The following PI4KA variants were observed in gnomAD, a reference collection of about 807,000 sequenced individuals.
PI4KA encodes the protein phosphatidylinositol 4-kinase alpha, also known as PI4-kinase alpha.
Under a neutral mutation model 271.4 loss-of-function variants are expected in PI4KA, and 122 were observed. The observed-to-expected ratio is 0.45, with a 90% CI of 0.39 to 0.52. The LOEUF is 0.52. PI4KA is among the 20% of genes least tolerant of loss of function. PI4KA has a pLI of 0.00. For synonymous variants in PI4KA, 1,041 were observed against 1,078.8 expected, an observed-to-expected ratio of 0.96 and a Z score of 0.69; for missense variants, 1,969 against 2,769.1, an observed-to-expected ratio of 0.71 and a Z score of 6.48.
At chr22:20,790,730 ACAC>A (rs1934583547) in intron 19 of PI4KA, among the ~76,000 whole-genome samples, 2 of 151,452 alleles carry the variant, frequency 1.3e-5, no homozygotes, top group Admixed American at 1.3e-4. Flanking sequence ...ACACACACAC[ACAC>A]ACACACACAA....
At chr22:20,832,209 G>A (rs1426367196) in intron 3 of PI4KA, among the ~76,000 whole-genome samples, 8 of 146,448 alleles carry the variant, frequency 5.5e-5, no homozygotes, top group Middle Eastern at 3.8e-3. Context: ...TCTGCCTCCC[G>A]GGTTCAAGCG....
intron 43 of PI4KA, among the ~76,000 whole-genome samples, chr22:20,719,279 C>T (rs1476156961): frequency 2.0e-5 from 3 of 151,382 alleles, no homozygotes; most frequent in Admixed American, 1.3e-4. Flanking sequence ...ACACAGTGGG[C>T]GGGGCTCTAT....
At chr22:20,751,170 G>T in intron 27 of PI4KA, 123 bp downstream of exon 27, 1 of 762,830 alleles carries the variant, frequency 1.3e-6, no homozygotes, top group Non-Finnish European at 2.2e-6. Context: ...GATGGGGCCA[G>T]CACCACCCAC....
intron 19 of PI4KA, among the ~76,000 whole-genome samples, chr22:20,788,379 G>A (rs185199640): frequency 6.3e-4 from 96 of 152,308 alleles, no homozygotes; most frequent in African/African-American, 2.2e-3. Context: ...GACGGAAGGG[G>A]AACGTCACTG....
chr22:20,724,232 G>A (rs1056949060), intron 42 of PI4KA, among the ~76,000 whole-genome samples: 11 of 151,896 alleles, frequency 7.2e-5, no homozygotes, highest in Admixed American at 3.3e-4. Context: ...TTGAACCTGG[G>A]AGGCAGAGGT....
intron 4 of PI4KA, among the ~76,000 whole-genome samples, chr22:20,822,347 A>G (rs117352929): frequency 0.03 from 4,506 of 151,798 alleles, 89 homozygotes; most frequent in Middle Eastern, 0.061. Context: ...ATCCATGACA[A>G]TAAGCTTATA....
At chr22:20,824,881 C>A (rs1055721122) in intron 3 of PI4KA, among the ~76,000 whole-genome samples, 1 of 151,414 alleles carries the variant, frequency 6.6e-6, no homozygotes, top group African/African-American at 2.4e-5. Context: ...ACCAGCCTGG[C>A]CAACATGGTG....
chr22:20,712,464 G>A lies in PI4KA; in HGVS notation c.5802+22C>T, dbSNP rs755869637. 58 of 1,606,834 alleles carry A rather than the reference G, an allele frequency of 3.6e-5. No individual in the cohort carries two copies. The South Asian group carries it at 4.7e-4, about 13-fold the overall frequency. ...GGGTGGAGCACACACGACCTCCCCC[G>A]GCCTGTGGCCACCCTGGCTACCTGC... On this transcript the variant is annotated intron_variant, in intron 50 of 54. Coordinates refer to ENST00000255882, the MANE Select transcript of PI4KA (RefSeq NM_058004.4).
At chr22:20,824,261 T>A in intron 4 of PI4KA, 65 bp downstream of exon 4, 1 of 1,020,520 alleles carries the variant, frequency 9.8e-7, no homozygotes, top group Non-Finnish European at 1.6e-6. Flanking sequence ...TAAAATCTTT[T>A]CATCACTTTG....
At position 20,727,872 on chromosome 22, in the gene PI4KA, G is replaced by A. The variant is rs1927556622; in HGVS notation, c.4683-8C>T. On this transcript the variant is annotated splice_region_variant and splice_polypyrimidine_tract_variant and intron_variant, in intron 39 of 54. Transcript: ENST00000255882. ...GCTTCTGTGTTCTTAAACCTACAGTGCACAGAGGGTATGGGTGGTGCTGCC... is the reference window on the plus strand; with the variant it reads ...GCTTCTGTGTTCTTAAACCTACAGTACACAGAGGGTATGGGTGGTGCTGCC... 3 of 1,610,058 alleles carry A rather than the reference G, an allele frequency of 1.9e-6. No individual in the cohort carries two copies. The highest frequency in any genetic ancestry group is 1.3e-5 in the African/African-American group (1 of 74,844).
At position 20,729,511 on chromosome 22, in the gene PI4KA, C is replaced by G; in HGVS notation, c.4489-5G>C. The G allele has an allele frequency of 6.3e-7, 1 of 1,578,194 alleles. No homozygotes were observed. Among genetic ancestry groups the G allele is most frequent in the East Asian group, 2.3e-5 (1 of 42,914 alleles). ...GAGACGCTCGATCTCAGTGGCCTGG[C>G]AAGATAAGACATAAGGCCTGATATG... On this transcript the variant is annotated splice_polypyrimidine_tract_variant and splice_region_variant and intron_variant, in intron 38 of 54. Coordinates refer to ENST00000255882, the MANE Select transcript of PI4KA (RefSeq NM_058004.4).
At chr22:20,726,424 G>T in intron 42 of PI4KA, 64 bp downstream of exon 42, 1 of 1,387,448 alleles carries the variant, frequency 7.2e-7, no homozygotes, top group Non-Finnish European at 9.5e-7. Flanking sequence ...GGACAGACCG[G>T]GCACAAGCTG....
At chr22:20,825,415 C>T (rs2147721597) in intron 3 of PI4KA, among the ~76,000 whole-genome samples, 1 of 152,184 alleles carries the variant, frequency 6.6e-6, no homozygotes, top group East Asian at 1.9e-4. Flanking sequence ...GCCAACATGG[C>T]AAAATACTAT....
chr22:20,763,759 A>G (rs1932240420), intron 22 of PI4KA, among the ~76,000 whole-genome samples: 2 of 152,126 alleles, frequency 1.3e-5, no homozygotes, highest in South Asian at 4.1e-4. Context: ...GACACTTACA[A>G]TGAAAAAAGA....
intron 42 of PI4KA, 184 bp downstream of exon 42, chr22:20,726,304 G>C: frequency 3.9e-6 from 2 of 514,896 alleles, no homozygotes; most frequent in Non-Finnish European, 6.7e-6. Flanking sequence ...GTGAGGCAGT[G>C]GGTGAACATG....
chr22:20,736,196 C>T (rs1340159580), intron 32 of PI4KA, among the ~76,000 whole-genome samples: 5 of 151,986 alleles, frequency 3.3e-5, no homozygotes, highest in African/African-American at 9.7e-5. Context: ...GCGCAAGGCA[C>T]GGCCATCTGA....
At chr22:20,785,908 G>A in intron 19 of PI4KA, 1 of 1,535,100 alleles carries the variant, frequency 6.5e-7, no homozygotes, top group Non-Finnish European at 9.0e-7. Context: ...TCAATTCTGT[G>A]ATAAATATAA....
At position 20,825,069 on chromosome 22, in the gene PI4KA, C is replaced by CA. The variant is rs362248; in HGVS notation, c.368-656dup. On this transcript the variant is annotated intron_variant, in intron 3 of 54. Transcript: ENST00000255882. ...TGGGTGACAGAATGAGACGCCATCT[C>CA]AAAAAAAAAAAAAAAAATCAATTTT... Among the ~76,000 whole-genome samples, 709 of 76,890 alleles carry CA rather than the reference C, an allele frequency of 9.2e-3. 29 individuals carry two copies. Among genetic ancestry groups the CA allele is most frequent in the African/African-American group, 0.035 (625 of 17,824 alleles). The allele number at this position is 76,890 out of a possible 152,430, so 50.4% of individuals were successfully genotyped here.
rs753027662 is a variant in PI4KA, at chr22:20,721,317, T to C, written c.5097A>G (p.Glu1699=). ...WNMKTNIYLD[E]EGHQKDPDIG... is the part of the protein sequence containing the mutation. ...ACTCACGGTCTTTCTGGTGGCCCTC[T>C]TCATCTAGATAAATGTTAGTCTTCA... Residue 1699 remains glutamate (E), a synonymous_variant, in exon 43 of 55, where the codon GAA becomes GAG. Coordinates refer to ENST00000255882, the MANE Select transcript of PI4KA (RefSeq NM_058004.4). 40 of 1,613,932 alleles carry C rather than the reference T, an allele frequency of 2.5e-5. No homozygotes were observed. Among genetic ancestry groups the C allele is most frequent in the Non-Finnish European group, 3.2e-5 (38 of 1,179,992 alleles).
Sources: allele counts gnomAD v4.1 joint callset (sites outside exome capture counted in the v4.1 genomes callset), GRCh38; gene constraint gnomAD v4.1.1; transcripts MANE v1.5; gene names NCBI Gene and HGNC (gene_info 2026-07-23, HGNC 2026-07-21).